Variants in TMEM132C observed in about 807,000 individuals in gnomAD.
The protein encoded by TMEM132C is protein phosphatase 1, regulatory subunit 152.
TMEM132C carries 29 observed loss-of-function variants against 61.4 expected under a neutral mutation model. That is an observed-to-expected ratio of 0.47 (90% CI 0.35 to 0.64). The LOEUF is 0.64. Among genes scored for constraint, TMEM132C ranks in the 30% least tolerant of loss-of-function variants. The pLI is 0.00. For missense variants in TMEM132C, 1,408 were observed against 1,476.9 expected, an observed-to-expected ratio of 0.95 and a Z score of 0.76; for synonymous variants, 656 against 633.1, an observed-to-expected ratio of 1.04 and a Z score of -0.54.
intron 1 of TMEM132C, among the ~76,000 whole-genome samples, chr12:128,393,344 C>T (rs935265534): frequency 6.6e-6 from 1 of 152,188 alleles, no homozygotes; most frequent in African/African-American, 2.4e-5. Flanking sequence ...AGACACGTCT[C>T]AGGATTTCCT....
At chr12:128,350,547 G>A (rs1036091212) in intron 1 of TMEM132C, among the ~76,000 whole-genome samples, 1 of 152,114 alleles carries the variant, frequency 6.6e-6, no homozygotes, top group African/African-American at 2.4e-5. Flanking sequence ...AATTAGCTGG[G>A]TGCATTGGAG....
At position 128,446,423 on chromosome 12, in the gene TMEM132C, G is replaced by A. The variant is rs190692499; in HGVS notation, c.974+30803G>A. Among the ~76,000 whole-genome samples the A allele has an allele frequency of 4.2e-4, 64 of 152,298 alleles. 2 individuals carry two copies. Among genetic ancestry groups the A allele is most frequent in the Admixed American group, 1.3e-3 (20 of 15,300 alleles). On this transcript the variant is annotated intron_variant, in intron 2 of 8. Coordinates refer to ENST00000435159, the MANE Select transcript of TMEM132C (RefSeq NM_001136103.3). ...AGCCCACAAATGCCAAGCGTCTTCC[G>A]TAAGAAAGTCTAACTCCTGACTCTG...
rs151214869 is a variant in TMEM132C at position 128,681,339 on chromosome 12, G to T, written c.1449+11779G>T. 2.1e-3 allele frequency among the ~76,000 whole-genome samples: 321 copies of T among 152,218 alleles called. 2 individuals are homozygous for T. Among genetic ancestry groups the T allele is most frequent in the South Asian group, 8.9e-3 (43 of 4,810 alleles). On this transcript the variant is annotated intron_variant, in intron 5 of 8. Transcript: ENST00000435159. ...CTCTTGTCCTCCTTCCTGAGAGGCTGGTGGAAAGAGTGGCACCGATGGGTC... is the reference window on the plus strand; with the variant it reads ...CTCTTGTCCTCCTTCCTGAGAGGCTTGTGGAAAGAGTGGCACCGATGGGTC...
chr12:128,384,054 C>T (rs1874500175), intron 1 of TMEM132C, among the ~76,000 whole-genome samples: 1 of 152,066 alleles, frequency 6.6e-6, no homozygotes, highest in Non-Finnish European at 1.5e-5. Flanking sequence ...CAAAGAAACC[C>T]AAACAAACAA....
intron 1 of TMEM132C, among the ~76,000 whole-genome samples, chr12:128,328,786 T>TAAAAAAAAA (rs71069557): frequency 2.1e-5 from 2 of 94,228 alleles, no homozygotes; most frequent in Non-Finnish European, 4.2e-5. Flanking sequence ...GATTCTGTCT[T>TAAAAAAAAA]AAAAAAAAAA....
chr12:128,603,480 G>A (rs556072469), intron 3 of TMEM132C, among the ~76,000 whole-genome samples: 2 of 152,302 alleles, frequency 1.3e-5, no homozygotes, highest in East Asian at 3.9e-4. Flanking sequence ...GAAAGGACCT[G>A]CACCCACTTG....
intron 5 of TMEM132C, 22 bp downstream of exon 5, chr12:128,669,582 T>C (rs1229495726): frequency 1.9e-6 from 3 of 1,550,042 alleles, no homozygotes; most frequent in Non-Finnish European, 1.7e-6. Context: ...CACAGCCAGC[T>C]GGATGGAACC....
At chr12:128,369,174 C>A (rs1240194667) in intron 1 of TMEM132C, among the ~76,000 whole-genome samples, 1 of 152,106 alleles carries the variant, frequency 6.6e-6, no homozygotes, top group South Asian at 2.1e-4. Flanking sequence ...GTTTATTAAG[C>A]CTTCTTAAAT....
intron 2 of TMEM132C, among the ~76,000 whole-genome samples, chr12:128,456,288 T>C (rs1300406211): frequency 6.6e-6 from 1 of 151,778 alleles, no homozygotes; most frequent in Non-Finnish European, 1.5e-5. Context: ...CTTTTCTTGT[T>C]TCATATTTTT....
chr12:128,355,779 C>T (rs1024842749), intron 1 of TMEM132C, among the ~76,000 whole-genome samples: 10 of 152,030 alleles, frequency 6.6e-5, no homozygotes, highest in Non-Finnish European at 1.5e-4. Context: ...TCCTTGCCTG[C>T]AAAGTGCTCC....
chr12:128,499,260 G>T (rs941768157), intron 2 of TMEM132C, among the ~76,000 whole-genome samples: 7 of 152,146 alleles, frequency 4.6e-5, no homozygotes, highest in African/African-American at 1.4e-4. Context: ...TTAAATTTTT[G>T]TAAGTTTTTA....
intron 3 of TMEM132C, among the ~76,000 whole-genome samples, chr12:128,544,429 G>A (rs1050721147): frequency 2.0e-5 from 3 of 152,178 alleles, no homozygotes; most frequent in Admixed American, 6.5e-5. Context: ...GAAGATGCTC[G>A]GTTACAAAGT....
chr12:128,374,087 C>T (rs571474871), intron 1 of TMEM132C, among the ~76,000 whole-genome samples: 7 of 152,220 alleles, frequency 4.6e-5, no homozygotes, highest in South Asian at 2.1e-4. Flanking sequence ...GTGTAAGACA[C>T]GATGAGGAAA....
chr12:128,654,857 C>T (rs924175835), intron 4 of TMEM132C, among the ~76,000 whole-genome samples: 2 of 152,146 alleles, frequency 1.3e-5, no homozygotes, highest in East Asian at 1.9e-4. Context: ...TATGGATGGG[C>T]CTGCCGGTGT....
At chr12:128,319,498 A>G (rs1872258322) in intron 1 of TMEM132C, among the ~76,000 whole-genome samples, 1 of 151,944 alleles carries the variant, frequency 6.6e-6, no homozygotes, top group Admixed American at 6.6e-5. Context: ...ATGAGAAGCA[A>G]TTGGAGTGCT....
intron 3 of TMEM132C, among the ~76,000 whole-genome samples, chr12:128,561,880 T>TGCA (rs1427230260): frequency 6.6e-6 from 1 of 152,162 alleles, no homozygotes; most frequent in Non-Finnish European, 1.5e-5. Flanking sequence ...CACTAGAGGC[T>TGCA]GCCCTTGTTG....
rs141207854 is a variant in TMEM132C at position 128,619,408 on chromosome 12, T to C, written c.1305+3073T>C. Among the ~76,000 whole-genome samples the C allele has an allele frequency of 3.1e-3, 466 of 152,244 alleles. 1 individual carries two copies. The highest frequency in any genetic ancestry group is 0.01 in the Middle Eastern group (3 of 294). On this transcript the variant is annotated intron_variant, in intron 4 of 8. Transcript: ENST00000435159. ...TCTGACTCCCCCTGAGTAAATGCAATGGGAAAAGCAGGGAGACGTGCTCTC... is the reference window on the plus strand; with the variant it reads ...TCTGACTCCCCCTGAGTAAATGCAACGGGAAAAGCAGGGAGACGTGCTCTC...
intron 1 of TMEM132C, among the ~76,000 whole-genome samples, chr12:128,413,634 A>G (rs1416804806): frequency 6.6e-6 from 1 of 151,454 alleles, no homozygotes; most frequent in Non-Finnish European, 1.5e-5. Flanking sequence ...TTGTAAATAT[A>G]TATATATAAA....
At chr12:128,481,298 C>T (rs370836145) in intron 2 of TMEM132C, among the ~76,000 whole-genome samples, 2 of 152,324 alleles carry the variant, frequency 1.3e-5, no homozygotes, top group East Asian at 3.9e-4. Flanking sequence ...ACGATTTTTA[C>T]GCAATGTAGA....
Sources: gnomAD v4.1 joint callset for allele counts (sites outside exome capture counted in the v4.1 genomes callset) on GRCh38, gnomAD v4.1.1 for gene constraint, MANE v1.5 for transcripts, NCBI Gene and HGNC (gene_info 2026-07-23, HGNC 2026-07-21) for gene names.